Variants in WRAP53 observed in about 807,000 individuals in gnomAD.
The protein encoded by WRAP53 is WD repeat containing antisense to TP53.
Under a neutral mutation model 56.6 loss-of-function variants are expected in WRAP53, and 28 were observed. That is an observed-to-expected ratio of 0.50 (90% confidence interval 0.37 to 0.68). The LOEUF (loss-of-function observed/expected upper bound fraction) is 0.68. Ranked by LOEUF, WRAP53 falls within the 30% of genes least tolerant of loss-of-function variation. The probability of loss-of-function intolerance (pLI) is 0.00; values close to 1 mark genes in which losing one functional copy is unlikely to be tolerated. For synonymous variants in WRAP53, 283 were observed against 283.4 expected, an observed-to-expected ratio of 1.00 and a Z score of 0.01; for missense variants, 671 against 715.5, an observed-to-expected ratio of 0.94 and a Z score of 0.71.
upstream of WRAP53, chr17:7,687,460 G>A (rs1054623097): frequency 5.0e-6 from 2 of 398,598 alleles, no homozygotes; most frequent in Non-Finnish European, 8.8e-6. Flanking sequence ...GCAGCTACCT[G>A]CTCCCTGGAC....
Position 7,702,626 on chromosome 17 carries a change from G to A in WRAP53, c.1164+74G>A. The stretch of plus-strand genomic sequence containing the variant: ...AGCAGGGATGTAGTCTGCAGTGTAG[G>A]GGAATGGGTGGGGATGGGGAAAAAA... On this transcript the variant is annotated intron_variant, in intron 8 of 10. Coordinates refer to ENST00000396463, the MANE Select transcript of WRAP53 (RefSeq NM_001143992.2). This position sits in a 1 kb window ranked among gnomAD's most constrained non-coding sequence, Gnocchi z 5.0. 1.3e-6 allele frequency: 2 copies of A among 1,595,582 alleles called. No homozygotes were observed. The highest frequency in any genetic ancestry group is 2.2e-5 in the South Asian group (2 of 90,516).
Position 7,691,392 on chromosome 17 carries a change from G to GT in WRAP53, c.642+1707dup, listed in dbSNP as rs1196160781. Reference sequence around the variant, plus strand: ...TTATTTGGGAAGTCATGAGAGAGGTGTTTTTTTTTTTTTTTTGAGACGAGT... The same window carrying GT: ...TTATTTGGGAAGTCATGAGAGAGGTGTTTTTTTTTTTTTTTTTGAGACGAGT... On this transcript the variant is annotated intron_variant, in intron 4 of 10. Coordinates refer to ENST00000396463, the MANE Select transcript of WRAP53 (RefSeq NM_001143992.2). Among the ~76,000 whole-genome samples, 461 of 139,034 alleles carry GT rather than the reference G, an allele frequency of 3.3e-3. 2 individuals are homozygous for GT. The highest frequency in any genetic ancestry group is 4.6e-3 in the Non-Finnish European group (290 of 63,176). The allele number at this position is 139,034 out of a possible 152,430, so 91.2% of individuals were successfully genotyped here.
At chr17:7,692,920 A>AT in intron 4 of WRAP53, among the ~76,000 whole-genome samples, 2 of 151,176 alleles carry the variant, frequency 1.3e-5, no homozygotes, top group South Asian at 4.2e-4. Flanking sequence ...CGCCTGGCTA[A>AT]TTTTTTGTAT....
In WRAP53 at chr17:7,689,609, A is replaced by G. The variant is rs776832907; in HGVS notation, c.550A>G (p.Ile184Val). The G allele has an allele frequency of 3.1e-6, 5 of 1,614,128 alleles. No individual in the cohort carries two copies. The highest frequency in any genetic ancestry group is 1.6e-4 in the Middle Eastern group (1 of 6,062). ...GCKWAPDGSC[I>V]LTNSADNILR... ...TTCTAGGGCTCCTGACGGTTCCTGC[A>G]TCTTGACCAATAGTGCTGATAACAT... Residue 184 changes from isoleucine to valine, a missense_variant, in exon 4 of 11, where the codon ATC becomes GTC. Physicochemically the swap from Ile to Val is conservative, Grantham distance 29. Around this residue, in one of 3 missense-constraint regions of WRAP53, gnomAD observed 406 missense variants for 418.5 expected, o/e 0.97. Transcript: ENST00000396463.
intron 4 of WRAP53, among the ~76,000 whole-genome samples, chr17:7,698,454 G>A (rs553164033): frequency 2.0e-5 from 3 of 152,246 alleles, no homozygotes; most frequent in South Asian, 2.1e-4. Context: ...AGTCTAGGCC[G>A]GGCATGGTGG....
At chr17:7,686,113 C>A (rs2073952183), upstream of WRAP53, 1 of 152,218 alleles carries the variant, frequency 6.6e-6, no homozygotes, top group Non-Finnish European at 1.5e-5. Context: ...CCGGCTCGGG[C>A]CGGAGGGCTG....
chr17:7,688,634 T>G lies in WRAP53; in HGVS notation c.-1-14T>G. Reference sequence around the variant, plus strand: ...TCCTGGCTGAGGCTAATCTCCGCTGTGCTTCCTCTGCAGTATGAAGACTTT... The same window carrying G: ...TCCTGGCTGAGGCTAATCTCCGCTGGGCTTCCTCTGCAGTATGAAGACTTT... On this transcript the variant is annotated splice_polypyrimidine_tract_variant and intron_variant, in intron 1 of 10. Coordinates refer to ENST00000396463, the MANE Select transcript of WRAP53 (RefSeq NM_001143992.2). 6.2e-7 allele frequency: 1 copy of G among 1,614,136 alleles called. No individual in the cohort carries two copies. Among genetic ancestry groups the G allele is most frequent in the Non-Finnish European group, 8.5e-7 (1 of 1,180,016 alleles).
At chr17:7,699,344 C>G (rs1213314771) in intron 4 of WRAP53, among the ~76,000 whole-genome samples, 1 of 148,446 alleles carries the variant, frequency 6.7e-6, no homozygotes, top group East Asian at 2.0e-4. Context: ...TTGCTTGAAC[C>G]TGGGAGGTGG....
intron 3 of WRAP53, 52 bp from the exon 4 acceptor site, chr17:7,689,538 A>G: frequency 6.4e-7 from 1 of 1,563,848 alleles, no homozygotes; most frequent in Non-Finnish European, 8.8e-7. Context: ...CCCTAGCCCT[A>G]CACTTGAAAA....
At chr17:7,689,397 A>AG in intron 3 of WRAP53, 75 bp downstream of exon 3, 1 of 1,496,606 alleles carries the variant, frequency 6.7e-7, no homozygotes, top group South Asian at 1.1e-5. Context: ...TTTCTAGGAG[A>AG]GGGATGCCCC....
chr17:7,702,260 T>C lies in WRAP53; in HGVS notation c.956-84T>C. ...ATGTTGAGTCCAAGCATGTTGGTGC[T>C]GGGACGGGAGACAGACCTCTGCTTA... On this transcript the variant is annotated intron_variant, in intron 7 of 10. Transcript: ENST00000396463. The surrounding 1 kb of genome is among the most constrained non-coding windows in gnomAD (Gnocchi z 5.0). 1 of 1,458,440 alleles carries C rather than the reference T, an allele frequency of 6.9e-7. No homozygotes were observed. 90.3% of individuals were successfully genotyped at this position (1,458,440 alleles called of 1,614,324 possible). A position where few individuals can be genotyped will look rare whatever the true frequency, so the allele number is the denominator to read the frequency against.
Position 7,702,392 on chromosome 17 carries a change from C to T in WRAP53, c.1004C>T (p.Pro335Leu), listed in dbSNP as rs1380609672. 1.9e-6 allele frequency: 3 copies of T among 1,614,064 alleles called. No homozygotes were observed. In the Admixed American group the frequency reaches 5.0e-5, roughly 27 times the overall value. ...SGIISCIAFS[P>L]AQPLYACGSY... ...ATCATCTCCTGCATAGCCTTCAGCC[C>T]AGCCCAGCCCCTCTATGCCTGTGGC... is the stretch of plus-strand genomic sequence containing the variant. The change falls in exon 8 of 11, where the codon CCA becomes CTA. Residue 335 changes from proline to leucine, a missense_variant. Around this residue, in one of 3 missense-constraint regions of WRAP53, gnomAD observed 158 missense variants for 215.7 expected, o/e 0.73. Transcript: ENST00000396463. This position sits in a 1 kb window ranked among gnomAD's most constrained non-coding sequence, Gnocchi z 5.0.
At chr17:7,700,066 T>G (rs183294622) in intron 4 of WRAP53, among the ~76,000 whole-genome samples, 2,428 of 151,306 alleles carry the variant, frequency 0.016, 27 homozygotes, top group African/African-American at 0.02. Context: ...CTTTTTTTTT[T>G]GGGGGGCACT....
Position 7,691,390 on chromosome 17 carries a change from G to GTTTTTT in WRAP53, c.642+1690_642+1691insTTTTTT, listed in dbSNP as rs200960465. On this transcript the variant is annotated intron_variant, in intron 4 of 10. Coordinates refer to ENST00000396463, the MANE Select transcript of WRAP53 (RefSeq NM_001143992.2). The stretch of plus-strand genomic sequence containing the variant: ...GTTTATTTGGGAAGTCATGAGAGAG[G>GTTTTTT]TGTTTTTTTTTTTTTTTTGAGACGA... Among the ~76,000 whole-genome samples the GTTTTTT allele has an allele frequency of 3.6e-5, 5 of 140,146 alleles. 1 individual carries two copies. The highest frequency in any genetic ancestry group is 8.9e-5 in the African/African-American group (3 of 33,856). 91.9% of individuals were successfully genotyped at this position (140,146 alleles called of 152,430 possible). A position where few individuals can be genotyped will look rare whatever the true frequency, so the allele number is the denominator to read the frequency against.
intron 4 of WRAP53, among the ~76,000 whole-genome samples, chr17:7,690,174 C>T (rs866992406): frequency 2.0e-5 from 3 of 152,238 alleles, no homozygotes; most frequent in Non-Finnish European, 4.4e-5. Context: ...ATATCAAATT[C>T]CTGACCTCAG....
chr17:7,700,844 C>T lies in WRAP53; in HGVS notation c.731+15C>T, dbSNP rs1457630809. The T allele has an allele frequency of 8.8e-6, 14 of 1,590,954 alleles. No individual in the cohort carries two copies. The highest frequency in any genetic ancestry group is 1.3e-5 in the African/African-American group (1 of 74,422). Reference sequence around the variant, plus strand: ...GACACCTCCTAGTAAGTAATGTTTGCCTCCCTGCTCGCCGCCCCACCACCC... The same window carrying T: ...GACACCTCCTAGTAAGTAATGTTTGTCTCCCTGCTCGCCGCCCCACCACCC... On this transcript the variant is annotated intron_variant, in intron 5 of 10. Coordinates refer to ENST00000396463, the MANE Select transcript of WRAP53 (RefSeq NM_001143992.2).
chr17:7,693,484 C>T (rs139439532), intron 4 of WRAP53, among the ~76,000 whole-genome samples: 21,021 of 151,956 alleles, frequency 0.14, 1,770 homozygotes, highest in East Asian at 0.31. Flanking sequence ...TTTGGGGGGC[C>T]GAGGCAGGTG....
chr17:7,703,076 C>G lies in WRAP53; in HGVS notation c.1352C>G (p.Pro451Arg). 1 of 1,614,106 alleles carries G rather than the reference C, an allele frequency of 6.2e-7. No homozygotes were observed. The highest frequency in any genetic ancestry group is 8.5e-7 in the Non-Finnish European group (1 of 1,180,018). Residue 451 changes from proline (P) to arginine (R), a missense_variant, in exon 10 of 11, where the codon CCG becomes CGG. By Grantham distance (103) the Pro-to-Arg change is moderately radical (BLOSUM62 -2). Transcript: ENST00000396463. The part of the protein sequence containing the change: ...DTDGPGNDGK[P>R]EPVLSFLPQK... ...GACGGGCCTGGCAATGATGGGAAGC[C>G]GGAGCCCGTGTTGAGTTTTCTGCCC...
At chr17:7,694,441 C>A (rs1042140541) in intron 4 of WRAP53, among the ~76,000 whole-genome samples, 1 of 151,922 alleles carries the variant, frequency 6.6e-6, no homozygotes, top group African/African-American at 2.4e-5. Flanking sequence ...TGGGGTTTCG[C>A]CAAGTTGGCC....
Sources: gnomAD v4.1 joint callset for allele counts (sites outside exome capture counted in the v4.1 genomes callset) on GRCh38, gnomAD v4.1.1 for gene constraint, gnomAD v4.1.1 regional missense constraint, Gnocchi (gnomAD v3.1) non-coding constraint, MANE v1.5 for transcripts, NCBI Gene and HGNC (gene_info 2026-07-23, HGNC 2026-07-21) for gene names.